The following SLC38A11 variants were observed in gnomAD, a reference collection of about 807,000 sequenced individuals.
The protein encoded by SLC38A11 is putative sodium-coupled neutral amino acid transporter 11.
In SLC38A11, 51 loss-of-function variants were observed where a neutral mutation model predicts 49.4. The ratio of observed to expected loss-of-function variants is 1.03; its 90% CI spans 0.83 to 1.30. The LOEUF is 1.30. SLC38A11 is among the 50% of genes most tolerant of loss of function. The pLI, the probability that SLC38A11 is intolerant of heterozygous loss-of-function variation, is 0.00. For missense variants in SLC38A11, 574 were observed against 556.2 expected, an observed-to-expected ratio of 1.03 and a Z score of -0.32; for synonymous variants, 203 against 192.9, an observed-to-expected ratio of 1.05 and a Z score of -0.43.
At chr2:164,922,068 T>A (rs1168161977) in intron 7 of SLC38A11, 37 of 152,138 alleles carry the variant, frequency 2.4e-4, no homozygotes, top group Admixed American at 2.4e-3. Context: ...AACTCTTATC[T>A]TTATAACAGG....
intron 7 of SLC38A11, among the ~76,000 whole-genome samples, chr2:164,926,943 C>T (rs1336183542): frequency 2.6e-5 from 4 of 151,598 alleles, no homozygotes; most frequent in African/African-American, 9.7e-5. Flanking sequence ...AGCACACCAA[C>T]ATGGCACATG....
At chr2:164,940,533 A>G (rs1169923824) in intron 5 of SLC38A11, among the ~76,000 whole-genome samples, 1 of 151,090 alleles carries the variant, frequency 6.6e-6, no homozygotes, top group Non-Finnish European at 1.5e-5. Flanking sequence ...GTCTATAAAG[A>G]TCCAGTCTTA....
Position 164,908,722 on chromosome 2 carries a change from A to G in SLC38A11, c.1013T>C (p.Ile338Thr), listed in dbSNP as rs751509872. The G allele has an allele frequency of 1.9e-6, 3 of 1,611,556 alleles. No individual in the cohort carries two copies. Among genetic ancestry groups the G allele is most frequent in the South Asian group, 1.1e-5 (1 of 90,644 alleles). Residue 338 changes from isoleucine (I) to threonine (T), a missense_variant, in exon 11 of 12, where the codon ATT (isoleucine) becomes ACT (threonine). Coordinates refer to ENST00000685975, the MANE Select transcript of SLC38A11 (RefSeq NM_001351537.2). ...FGGNLSSVFH[I>T]VVTVMVITVA... ...AGTGATGACCATCACTGTTACAACA[A>G]TGTGGAAAACCGATGAAAGATTCCC...
intron 9 of SLC38A11, 133 bp downstream of exon 9, chr2:164,914,979 G>A: frequency 1.3e-6 from 1 of 757,036 alleles, no homozygotes; most frequent in Middle Eastern, 3.9e-4. Context: ...GGGGGCAGGA[G>A]GGTAGAGAGA....
Position 164,896,957 on chromosome 2 carries a change from G to T in SLC38A11, c.*1480C>A, listed in dbSNP as rs550570824. 2 of 151,894 alleles carry T rather than the reference G, an allele frequency of 1.3e-5. No homozygotes were observed. Among genetic ancestry groups the T allele is most frequent in the Non-Finnish European group, 2.9e-5 (2 of 68,010 alleles). 9.4% of individuals were successfully genotyped at this position (151,894 alleles called of 1,614,324 possible). A position where few individuals can be genotyped will look rare whatever the true frequency, so the allele number is the denominator to read the frequency against. The stretch of plus-strand genomic sequence containing the variant: ...TCATATATGTATTAACTCTGCTTGT[G>T]ATAGTTTCTCGTTATTTGGCAACAA... On this transcript the variant is annotated 3_prime_UTR_variant, in exon 12 of 12. Transcript: ENST00000685975.
chr2:164,939,031 C>A (rs1468309091), intron 6 of SLC38A11, among the ~76,000 whole-genome samples: 2 of 151,930 alleles, frequency 1.3e-5, no homozygotes. Context: ...GAAAAATAAG[C>A]ACAATAGACA....
Position 164,898,745 on chromosome 2 carries a change from C to A in SLC38A11, c.1096-15G>T. 6.3e-7 allele frequency: 1 copy of A among 1,594,344 alleles called. No homozygotes were observed. The highest frequency in any genetic ancestry group is 8.6e-7 in the Non-Finnish European group (1 of 1,168,310). The stretch of plus-strand genomic sequence containing the variant: ...CAGAGCACACCCTGCATGTTGAAAA[C>A]AAGAAACAAGATAATGTCACTAGAT... On this transcript the variant is annotated splice_polypyrimidine_tract_variant and intron_variant, in intron 11 of 11. Coordinates refer to ENST00000685975, the MANE Select transcript of SLC38A11 (RefSeq NM_001351537.2).
chr2:164,904,785 C>G (rs749373236), intron 11 of SLC38A11, among the ~76,000 whole-genome samples: 1 of 152,058 alleles, frequency 6.6e-6, no homozygotes, highest in Non-Finnish European at 1.5e-5. Context: ...TTACTCTTAA[C>G]CTTTCTTACA....
rs1003345563 is a variant in SLC38A11, at chr2:164,895,503, A to G, written c.*2934T>C. Among the ~76,000 whole-genome samples the G allele has an allele frequency of 6.6e-6, 1 of 152,322 alleles. No individual in the cohort carries two copies. The highest frequency in any genetic ancestry group is 2.1e-4 in the South Asian group (1 of 4,826). On this transcript the variant is annotated 3_prime_UTR_variant, in exon 12 of 12. Coordinates refer to ENST00000685975, the MANE Select transcript of SLC38A11 (RefSeq NM_001351537.2). ...AGGCTATAGCAGATAAACCAGGAGG[A>G]GACCTGTTCTCTTCAATAAATGTAT...
At chr2:164,933,153 A>T (rs974878990) in intron 7 of SLC38A11, among the ~76,000 whole-genome samples, 1 of 152,086 alleles carries the variant, frequency 6.6e-6, no homozygotes, top group Non-Finnish European at 1.5e-5. Flanking sequence ...AAGATGTCAT[A>T]TGAGGGGAAA....
intron 7 of SLC38A11, among the ~76,000 whole-genome samples, chr2:164,932,192 A>T (rs997567243): frequency 6.6e-6 from 1 of 152,218 alleles, no homozygotes; most frequent in African/African-American, 2.4e-5. Context: ...AGAAATGTGA[A>T]TCAAAACCAC....
At chr2:164,951,231 G>A (rs1688501906) in intron 3 of SLC38A11, among the ~76,000 whole-genome samples, 1 of 152,034 alleles carries the variant, frequency 6.6e-6, no homozygotes, top group Non-Finnish European at 1.5e-5. Context: ...CTACCTACCT[G>A]TTTACAATGT....
chr2:164,945,582 A>G lies in SLC38A11; in HGVS notation c.364+11T>C. 6.3e-7 allele frequency: 1 copy of G among 1,579,958 alleles called. No individual in the cohort carries two copies. Among genetic ancestry groups the G allele is most frequent in the African/African-American group, 1.4e-5 (1 of 72,746 alleles). On this transcript the variant is annotated intron_variant, in intron 4 of 11. Coordinates refer to ENST00000685975, the MANE Select transcript of SLC38A11 (RefSeq NM_001351537.2). ...ACATAATTGCAATATTTATCTTCAC[A>G]GTCAACTTACCTATAAAAGGATACA...
intron 3 of SLC38A11, among the ~76,000 whole-genome samples, chr2:164,951,569 A>C (rs1688524337): frequency 6.6e-6 from 1 of 152,154 alleles, no homozygotes; most frequent in Non-Finnish European, 1.5e-5. Flanking sequence ...TCTAGCTTTG[A>C]ATTTGAAAAC....
chr2:164,932,982 C>T (rs1340311353), intron 7 of SLC38A11, among the ~76,000 whole-genome samples: 1 of 151,980 alleles, frequency 6.6e-6, no homozygotes. Context: ...CTTTTCTTAA[C>T]CCCCTCTAGT....
chr2:164,942,370 G>C (rs1687833006), intron 5 of SLC38A11, among the ~76,000 whole-genome samples: 1 of 143,834 alleles, frequency 7.0e-6, no homozygotes, highest in East Asian at 2.1e-4. Flanking sequence ...GGGAGGTCAG[G>C]AATGCAGTGA....
intron 11 of SLC38A11, chr2:164,908,046 G>T (rs898797935): frequency 2.6e-5 from 4 of 152,048 alleles, no homozygotes; most frequent in Non-Finnish European, 5.9e-5. Flanking sequence ...GATATTATGA[G>T]GACTTCTATT....
chr2:164,937,874 C>A (rs913125050), intron 6 of SLC38A11, among the ~76,000 whole-genome samples: 6 of 152,082 alleles, frequency 3.9e-5, no homozygotes, highest in African/African-American at 1.4e-4. Context: ...ACACATTCCT[C>A]CCCGTCCTTT....
rs1180360337 is a variant in SLC38A11 at position 164,901,008 on chromosome 2, C to A, written c.1096-2278G>T. Among the ~76,000 whole-genome samples, 6 of 151,984 alleles carry A rather than the reference C, an allele frequency of 3.9e-5. No homozygotes were observed. In the East Asian group the frequency reaches 7.7e-4, roughly 20 times the overall value. On this transcript the variant is annotated intron_variant, in intron 11 of 11. Coordinates refer to ENST00000685975, the MANE Select transcript of SLC38A11 (RefSeq NM_001351537.2). ...GGTGTAAGATCAGGGTCCAATTTCA[C>A]TCTTTTGCATTTGAGAATCCATTTT... is the stretch of plus-strand genomic sequence containing the variant.
Sources: gnomAD v4.1 joint callset for allele counts (sites outside exome capture counted in the v4.1 genomes callset) on GRCh38, gnomAD v4.1.1 for gene constraint, MANE v1.5 for transcripts, NCBI Gene and HGNC (gene_info 2026-07-23, HGNC 2026-07-21) for gene names.